TBC1D22A: variants seen among roughly 807,000 people sequenced by gnomAD.
TBC1D22A encodes the protein TBC1 domain family member 22A, also known as putative GTPase activator.
A neutral mutation model predicts 60.2 loss-of-function variants in TBC1D22A; 38 were observed. The ratio of observed to expected loss-of-function variants is 0.63; its 90% CI spans 0.49 to 0.83. TBC1D22A has a LOEUF of 0.83. Ranked by LOEUF, TBC1D22A falls within the 40% of genes least tolerant of loss-of-function variation. The pLI is 0.00. For missense variants in TBC1D22A, 628 were observed against 701.0 expected, an observed-to-expected ratio of 0.90 and a Z score of 1.18; for synonymous variants, 302 against 281.7, an observed-to-expected ratio of 1.07 and a Z score of -0.72.
intron 12 of TBC1D22A, among the ~76,000 whole-genome samples, chr22:47,145,114 GCTGTTCACAC>G (rs2067241844): frequency 6.6e-6 from 1 of 152,240 alleles, no homozygotes; most frequent in African/African-American, 2.4e-5. Context: ...CAAGGGCAGG[GCTGTTCACAC>G]CTGTTTACAT....
intron 10 of TBC1D22A, among the ~76,000 whole-genome samples, chr22:47,022,320 C>T (rs886116094): frequency 6.6e-6 from 1 of 152,142 alleles, no homozygotes; most frequent in Non-Finnish European, 1.5e-5. Context: ...GGCAGCCGGG[C>T]CATCCCTGGG....
chr22:46,890,164 T>A (rs574197057), intron 5 of TBC1D22A, among the ~76,000 whole-genome samples: 1 of 151,816 alleles, frequency 6.6e-6, no homozygotes, highest in Non-Finnish European at 1.5e-5. Context: ...GCCAACATAG[T>A]GAAACCCGTA....
intron 12 of TBC1D22A, among the ~76,000 whole-genome samples, chr22:47,118,495 A>G (rs1255307616): frequency 1.3e-5 from 2 of 152,274 alleles, no homozygotes; most frequent in East Asian, 3.8e-4. Context: ...TGGGCTTGCA[A>G]ACAGATTCAA....
At chr22:46,953,803 CTGAG>C (rs776626418) in intron 8 of TBC1D22A, among the ~76,000 whole-genome samples, 10 of 152,188 alleles carry the variant, frequency 6.6e-5, no homozygotes, top group Non-Finnish European at 1.3e-4. Flanking sequence ...TTAACATTGA[CTGAG>C]TATTTACCTC....
intron 1 of TBC1D22A, among the ~76,000 whole-genome samples, chr22:46,784,241 A>C (rs2146824372): frequency 6.6e-6 from 1 of 152,066 alleles, no homozygotes; most frequent in African/African-American, 2.4e-5. Context: ...ATGGGGTCTC[A>C]CTATGTTGCC....
At chr22:47,007,151 C>T (rs950278244) in intron 10 of TBC1D22A, among the ~76,000 whole-genome samples, 1 of 152,168 alleles carries the variant, frequency 6.6e-6, no homozygotes, top group Non-Finnish European at 1.5e-5. Flanking sequence ...ACATTGACCT[C>T]GACCCAGGGG....
At chr22:46,836,114 T>A (rs1163999990) in intron 4 of TBC1D22A, among the ~76,000 whole-genome samples, 1 of 152,204 alleles carries the variant, frequency 6.6e-6, no homozygotes, top group African/African-American at 2.4e-5. Flanking sequence ...ATTAGTAACA[T>A]GAAAACCTAT....
At chr22:46,804,842 G>C (rs1310724521) in intron 4 of TBC1D22A, among the ~76,000 whole-genome samples, 2 of 152,118 alleles carry the variant, frequency 1.3e-5, no homozygotes, top group Non-Finnish European at 2.9e-5. Flanking sequence ...GTAAGTCTTT[G>C]GTATGGTTTT....
intron 12 of TBC1D22A, among the ~76,000 whole-genome samples, chr22:47,119,683 G>T (rs1379112106): frequency 6.6e-6 from 1 of 152,062 alleles, no homozygotes; most frequent in Non-Finnish European, 1.5e-5. Context: ...TTTTAGTAGA[G>T]ACAGGGTTTC....
intron 10 of TBC1D22A, among the ~76,000 whole-genome samples, chr22:47,002,043 A>G (rs1256828648): frequency 6.6e-6 from 1 of 152,196 alleles, no homozygotes; most frequent in Non-Finnish European, 1.5e-5. Context: ...ATTAATTGTC[A>G]ATCTGTTCCC....
At chr22:46,947,448 T>C (rs1009416387) in intron 8 of TBC1D22A, among the ~76,000 whole-genome samples, 16 of 152,154 alleles carry the variant, frequency 1.1e-4, no homozygotes, top group Admixed American at 5.2e-4. Context: ...CCTTCAGTCC[T>C]CCACCGTCAT....
chr22:46,891,982 A>G (rs186005729), intron 6 of TBC1D22A, among the ~76,000 whole-genome samples: 4 of 152,356 alleles, frequency 2.6e-5, no homozygotes, highest in Non-Finnish European at 5.9e-5. Flanking sequence ...TTAAATAGTC[A>G]GTTGACAGAT....
intron 11 of TBC1D22A, among the ~76,000 whole-genome samples, chr22:47,074,372 A>G (rs964876513): frequency 5.9e-5 from 9 of 152,226 alleles, no homozygotes; most frequent in Non-Finnish European, 1.3e-4. Context: ...ACTGCTCGGT[A>G]TCAATGATTT....
At chr22:47,035,200 G>T (rs2062614876) in intron 10 of TBC1D22A, among the ~76,000 whole-genome samples, 2 of 152,196 alleles carry the variant, frequency 1.3e-5, no homozygotes, top group African/African-American at 4.8e-5. Context: ...CTGCTGCCAG[G>T]GACCCCCACC....
intron 11 of TBC1D22A, among the ~76,000 whole-genome samples, chr22:47,038,920 G>A (rs1349800532): frequency 1.3e-5 from 2 of 152,118 alleles, no homozygotes; most frequent in South Asian, 2.1e-4. Context: ...GCTATTGATC[G>A]GCTCTCTGTA....
intron 12 of TBC1D22A, among the ~76,000 whole-genome samples, chr22:47,154,026 TAGG>T (rs1029061508): frequency 2.0e-5 from 3 of 150,766 alleles, no homozygotes; most frequent in Non-Finnish European, 3.0e-5. Flanking sequence ...TGTGAGAGAG[TAGG>T]AGGAGATGTG....
Position 46,894,836 on chromosome 22 carries a change from A to G in TBC1D22A, c.890A>G (p.Lys297Arg). ...CCTGAAGCGTTGATCCTGCAGCCCA[A>G]GGTGACGGAGGTAAGAAGCTCTTGC... ...MSPEALILQP[K>R]VTEIFERILF... The change falls in exon 7 of 13, where the codon AAG becomes AGG. Residue 297 changes from lysine to arginine, a missense_variant. By Grantham distance (26) the Lys-to-Arg change is conservative. Coordinates refer to ENST00000337137, the MANE Select transcript of TBC1D22A (RefSeq NM_014346.5). 6.2e-7 allele frequency: 1 copy of G among 1,614,232 alleles called. No homozygotes were observed. The highest frequency in any genetic ancestry group is 8.5e-7 in the Non-Finnish European group (1 of 1,180,042).
intron 11 of TBC1D22A, among the ~76,000 whole-genome samples, chr22:47,082,110 A>T (rs1382078266): frequency 6.6e-6 from 1 of 152,160 alleles, no homozygotes; most frequent in Non-Finnish European, 1.5e-5. Flanking sequence ...GTGAGCCAAG[A>T]TCACGCCACT....
At chr22:47,162,462 T>C (rs192640397) in intron 12 of TBC1D22A, among the ~76,000 whole-genome samples, 5 of 152,320 alleles carry the variant, frequency 3.3e-5, no homozygotes, top group African/African-American at 1.2e-4. Flanking sequence ...TGACCGAGCC[T>C]CCTGCATAGC....
Sources: allele counts gnomAD v4.1 joint callset (sites outside exome capture counted in the v4.1 genomes callset), GRCh38; gene constraint gnomAD v4.1.1; transcripts MANE v1.5; gene names NCBI Gene and HGNC (gene_info 2026-07-23, HGNC 2026-07-21).